Variants in CCDC92 observed in about 807,000 individuals in gnomAD.
The protein encoded by CCDC92 is coiled-coil domain-containing protein 92.
CCDC92 carries 12 observed loss-of-function variants against 24.9 expected under a neutral mutation model. The observed-to-expected ratio is 0.48, with a 90% CI of 0.31 to 0.78. The LOEUF is 0.78. Among genes scored for constraint, CCDC92 ranks in the 30% least tolerant of loss-of-function variants. CCDC92 has a pLI of 0.05. For missense variants in CCDC92, 399 were observed against 439.4 expected, an observed-to-expected ratio of 0.91 and a Z score of 0.82; for synonymous variants, 193 against 196.3, an observed-to-expected ratio of 0.98 and a Z score of 0.14.
chr12:123,946,025 C>CCCCGCCATCCATTTCCATTCCA, intron 1 of CCDC92: 2 of 156,792 alleles, frequency 1.3e-5, no homozygotes, highest in African/African-American at 2.4e-5. Flanking sequence ...TGCTGGCATC[C>CCCCGCCATCCATTTCCATTCCA]TGCTTTGAAA....
chr12:123,955,254 C>A (rs536603158), intron 1 of CCDC92, among the ~76,000 whole-genome samples: 48 of 152,348 alleles, frequency 3.2e-4, no homozygotes, highest in Admixed American at 6.5e-4. Flanking sequence ...ACAGTTCTAG[C>A]TAGTGATACT....
At chr12:123,955,861 A>G (rs1163679336) in intron 1 of CCDC92, among the ~76,000 whole-genome samples, 1 of 152,220 alleles carries the variant, frequency 6.6e-6, no homozygotes, top group Non-Finnish European at 1.5e-5. Context: ...ATTACCTATA[A>G]CAGGCATCAG....
At chr12:123,955,559 T>C (rs1287719769) in intron 1 of CCDC92, among the ~76,000 whole-genome samples, 1 of 152,248 alleles carries the variant, frequency 6.6e-6, no homozygotes, top group Non-Finnish European at 1.5e-5. Flanking sequence ...ACTTAACTGA[T>C]AGGCCTTCTT....
At position 123,937,255 on chromosome 12, in the gene CCDC92, G is replaced by A; in HGVS notation, c.799C>T (p.Pro267Ser). 2 of 1,611,510 alleles carry A rather than the reference G, an allele frequency of 1.2e-6. No individual in the cohort carries two copies. Among genetic ancestry groups the A allele is most frequent in the Non-Finnish European group, 1.7e-6 (2 of 1,179,802 alleles). The stretch of plus-strand genomic sequence containing the variant: ...TCGCCGCTTCGGTCGGAGGCGATGG[G>A]GGGGATGACGAGGGGCCTCTCTTTG... Reference protein sequence around the residue: ...LIKERPLVIPPIASDRSGEQH... With the variant: ...LIKERPLVIPSIASDRSGEQH... Residue 267 changes from proline (P) to serine (S), a missense_variant, in exon 5 of 5, where the codon CCC becomes TCC. Coordinates refer to ENST00000238156, the MANE Select transcript of CCDC92 (RefSeq NM_025140.3). This position sits in a 1 kb window ranked among gnomAD's most constrained non-coding sequence, Gnocchi z 8.4.
chr12:123,971,163 G>T (rs1381433607), intron 1 of CCDC92, among the ~76,000 whole-genome samples: 5 of 152,090 alleles, frequency 3.3e-5, no homozygotes, highest in Non-Finnish European at 7.4e-5. Flanking sequence ...TAAATTTACT[G>T]AGTAATTATA....
chr12:123,957,164 T>C (rs778488988), intron 1 of CCDC92, among the ~76,000 whole-genome samples: 1 of 152,254 alleles, frequency 6.6e-6, no homozygotes, highest in Non-Finnish European at 1.5e-5. Flanking sequence ...ACCCGATGTA[T>C]CCAACATTTT....
chr12:123,944,031 T>C (rs1418774554), intron 2 of CCDC92: 6 of 519,574 alleles, frequency 1.2e-5, no homozygotes, highest in Non-Finnish European at 6.6e-6. Context: ...GGGCCAAACA[T>C]TTCCTCTAAA....
chr12:123,938,283 G>C (rs1955583598), intron 4 of CCDC92, among the ~76,000 whole-genome samples: 1 of 152,142 alleles, frequency 6.6e-6, no homozygotes, highest in Non-Finnish European at 1.5e-5. Flanking sequence ...AGGAGAAGAG[G>C]TGTGGGGCTG....
intron 1 of CCDC92, chr12:123,945,099 C>G (rs1355502368): frequency 6.6e-6 from 1 of 152,164 alleles, no homozygotes; most frequent in African/African-American, 2.4e-5. Flanking sequence ...GAAACAAACT[C>G]AAAACCCGAC....
At chr12:123,951,674 T>C (rs1343531031) in intron 1 of CCDC92, among the ~76,000 whole-genome samples, 1 of 152,210 alleles carries the variant, frequency 6.6e-6, no homozygotes. Flanking sequence ...CAGGGCACAG[T>C]GTCTCCACGT....
chr12:123,939,254 G>A (rs1041327692), intron 4 of CCDC92, among the ~76,000 whole-genome samples: 6 of 152,108 alleles, frequency 3.9e-5, no homozygotes, highest in African/African-American at 4.8e-5. Context: ...CGTCTTTCCC[G>A]GGCTTCTGTC....
intron 1 of CCDC92, among the ~76,000 whole-genome samples, chr12:123,947,526 C>T (rs573840461): frequency 7.2e-5 from 11 of 152,344 alleles, no homozygotes; most frequent in African/African-American, 2.6e-4. Flanking sequence ...ACACACCAAT[C>T]AGCACCCTGT....
intron 1 of CCDC92, among the ~76,000 whole-genome samples, chr12:123,955,197 T>C (rs563638653): frequency 3.5e-4 from 54 of 152,366 alleles, no homozygotes; most frequent in African/African-American, 1.2e-3. Flanking sequence ...AAGATGATCC[T>C]GAGCCAACAA....
intron 1 of CCDC92, among the ~76,000 whole-genome samples, chr12:123,965,686 G>C (rs1445141071): frequency 1.3e-5 from 2 of 152,194 alleles, no homozygotes; most frequent in African/African-American, 4.8e-5. Flanking sequence ...ATCGTAGAAG[G>C]GACTCTAAAG....
rs147367819 is a variant in CCDC92 at position 123,967,040 on chromosome 12, T to C, written c.-60+5489A>G. Among the ~76,000 whole-genome samples, 334 of 152,296 alleles carry C rather than the reference T, an allele frequency of 2.2e-3. 2 individuals are homozygous for C. The highest frequency in any genetic ancestry group is 7.7e-3 in the African/African-American group (319 of 41,558). Reference sequence around the variant, plus strand: ...CTTTGTTCACCTCTGAACTGGGTCCTGATACCACAGTCTTACTGTACTAAT... The same window carrying C: ...CTTTGTTCACCTCTGAACTGGGTCCCGATACCACAGTCTTACTGTACTAAT... On this transcript the variant is annotated intron_variant, in intron 1 of 4. Coordinates refer to ENST00000238156, the MANE Select transcript of CCDC92 (RefSeq NM_025140.3).
At chr12:123,971,626 ATT>A (rs1199057167) in intron 1 of CCDC92, 1 of 152,218 alleles carries the variant, frequency 6.6e-6, no homozygotes, top group African/African-American at 2.4e-5. Flanking sequence ...GCGCGGTTAT[ATT>A]TTCTCTCTGG....
At chr12:123,965,558 T>C (rs1015197238) in intron 1 of CCDC92, among the ~76,000 whole-genome samples, 1 of 152,056 alleles carries the variant, frequency 6.6e-6, no homozygotes, top group Non-Finnish European at 1.5e-5. Flanking sequence ...TTTGGAAATA[T>C]ACTTCCTTTG....
intron 1 of CCDC92, chr12:123,944,985 A>T (rs1317906748): frequency 6.6e-6 from 1 of 152,154 alleles, no homozygotes; most frequent in African/African-American, 2.4e-5. Flanking sequence ...CTGAACTAGC[A>T]ATTTATTTTT....
At chr12:123,949,816 C>G (rs1286283736) in intron 1 of CCDC92, among the ~76,000 whole-genome samples, 1 of 152,254 alleles carries the variant, frequency 6.6e-6, no homozygotes, top group African/African-American at 2.4e-5. Flanking sequence ...CCGTCATTTC[C>G]TAGTGTCAAC....
Sources: allele counts gnomAD v4.1 joint callset (sites outside exome capture counted in the v4.1 genomes callset), GRCh38; gene constraint gnomAD v4.1.1; non-coding constraint Gnocchi (gnomAD v3.1); transcripts MANE v1.5; gene names NCBI Gene and HGNC (gene_info 2026-07-23, HGNC 2026-07-21).